ECE1: variants seen among roughly 807,000 people sequenced by gnomAD.
ECE1 encodes the protein endothelin converting enzyme 1.
In ECE1, 35 loss-of-function variants were observed where a neutral mutation model predicts 98.6. That is an observed-to-expected ratio of 0.35 (90% CI 0.27 to 0.47). The LOEUF (loss-of-function observed/expected upper bound fraction) is 0.47, where lower values mean the gene tolerates loss of function less well. ECE1 is among the 20% of genes least tolerant of loss of function. The pLI, the probability that ECE1 is intolerant of heterozygous loss-of-function variation, is 1.00. For missense variants in ECE1, 814 were observed against 1,025.3 expected (o/e 0.79, Z 2.81); for synonymous variants, 394 against 407.1 (o/e 0.97, Z 0.39).
At position 21,260,163 on chromosome 1, in the gene ECE1, G is replaced by T; in HGVS notation, c.615+108C>A. The T allele has an allele frequency of 6.7e-7, 1 of 1,499,292 alleles. No homozygotes were observed. The highest frequency in any genetic ancestry group is 9.3e-7 in the Non-Finnish European group (1 of 1,077,816). The allele number at this position is 1,499,292 out of a possible 1,614,324, so 92.9% of individuals were successfully genotyped here. On this transcript the variant is annotated intron_variant, in intron 5 of 18. Transcript: ENST00000374893. The surrounding 1 kb of genome is among the most constrained non-coding windows in gnomAD (Gnocchi z 4.3). ...TTCTGTCTTTCTCTTGGTGCTACCG[G>T]CTGGACGTATGAGGTGGGCCAGTGG...
chr1:21,267,280 T>C (rs212541), intron 4 of ECE1: 78,037 of 152,286 alleles, frequency 0.51, 21,704 homozygotes, highest in East Asian at 0.91. Flanking sequence ...TTTCCCACTG[T>C]TGATACAGAC....
intron 1 of ECE1, among the ~76,000 whole-genome samples, chr1:21,341,352 A>C (rs1376208450): frequency 6.6e-6 from 1 of 152,212 alleles, no homozygotes; most frequent in Non-Finnish European, 1.5e-5. Context: ...AAGCCCTTTG[A>C]CTATGGCAGG....
In ECE1 at chr1:21,225,092, C is replaced by T. The variant is rs950961860; in HGVS notation, c.2040+158G>A. Among the ~76,000 whole-genome samples, 4 of 152,214 alleles carry T rather than the reference C, an allele frequency of 2.6e-5. No homozygotes were observed. The highest frequency in any genetic ancestry group is 4.8e-5 in the African/African-American group (2 of 41,456). On this transcript the variant is annotated intron_variant, in intron 17 of 18. Coordinates refer to ENST00000374893, the MANE Select transcript of ECE1 (RefSeq NM_001397.3). The surrounding 1 kb of genome is among the most constrained non-coding windows in gnomAD (Gnocchi z 5.3). The stretch of plus-strand genomic sequence containing the variant: ...GTGGGGGAGCCTCCACGGTCGGCAT[C>T]GCGATTGGTCCTCGCCACCCCCAAT...
intron 1 of ECE1, among the ~76,000 whole-genome samples, chr1:21,311,205 G>C (rs1349756567): frequency 6.6e-6 from 1 of 152,160 alleles, no homozygotes; most frequent in Admixed American, 6.5e-5. Context: ...GGCTGGGTCT[G>C]GCTGGCTGCC....
At position 21,298,686 on chromosome 1, in the gene ECE1, G is replaced by A. The variant is rs773814788; in HGVS notation, c.4-8530C>T. 8.0e-5 allele frequency: 36 copies of A among 451,776 alleles called. 1 individual carries two copies. The highest frequency in any genetic ancestry group is 1.2e-4 in the Admixed American group (5 of 42,460). 28.0% of individuals were successfully genotyped at this position (451,776 alleles called of 1,614,324 possible). A position where few individuals can be genotyped will look rare whatever the true frequency, so the allele number is the denominator to read the frequency against. On this transcript the variant is annotated intron_variant, in intron 1 of 18. Coordinates refer to the ECE1 transcript ENST00000415912. ...CTTGCAAGTGTGAAACAACTGGAGT[G>A]CAGCGAGCATCAGTAACTCACCCTA... is the stretch of plus-strand genomic sequence containing the variant.
intron 5 of ECE1, among the ~76,000 whole-genome samples, chr1:21,259,690 C>T (rs756762400): frequency 5.3e-5 from 8 of 152,158 alleles, no homozygotes; most frequent in South Asian, 2.1e-4. Flanking sequence ...CCAGGGAACA[C>T]GAGGCAGGCA....
Position 21,327,607 on chromosome 1 carries a change from G to T in ECE1, c.3+17769C>A, listed in dbSNP as rs562277574. 4.4e-4 allele frequency among the ~76,000 whole-genome samples: 67 copies of T among 152,278 alleles called. No individual in the cohort carries two copies. The South Asian group carries it at 0.011, about 24-fold the overall frequency. ...CTTTTCTTACTTTGAGGGCACAAATGGAGTCTTTTGGTATAGAGGAAAATA... is the reference window on the plus strand; with the variant it reads ...CTTTTCTTACTTTGAGGGCACAAATTGAGTCTTTTGGTATAGAGGAAAATA... On this transcript the variant is annotated intron_variant, in intron 1 of 18. Transcript: ENST00000415912. The surrounding 1 kb of genome is among the most constrained non-coding windows in gnomAD (Gnocchi z 4.6).
intron 3 of ECE1, among the ~76,000 whole-genome samples, chr1:21,273,346 C>CGTGTGTGTGTGTGT (rs60168069): frequency 1.5e-5 from 2 of 133,158 alleles, no homozygotes; most frequent in Admixed American, 7.3e-5. Flanking sequence ...TGCGTGTGTG[C>CGTGTGTGTGTGTGT]GTGTGTGTGT....
rs564451188 is a variant in ECE1 at position 21,219,751 on chromosome 1, G to A, written c.*204C>T. ...CTGAAGGTGGCGCACACGTGTGCCT[G>A]GGATGTCCGGCTCTTCACAGGGGAT... is the stretch of plus-strand genomic sequence containing the variant. On this transcript the variant is annotated 3_prime_UTR_variant, in exon 19 of 19. Coordinates refer to ENST00000374893, the MANE Select transcript of ECE1 (RefSeq NM_001397.3). This position sits in a 1 kb window ranked among gnomAD's most constrained non-coding sequence, Gnocchi z 4.5. 1.5e-6 allele frequency: 1 copy of A among 654,140 alleles called. No individual in the cohort carries two copies. The highest frequency in any genetic ancestry group is 2.8e-5 in the East Asian group (1 of 35,490). The allele number at this position is 654,140 out of a possible 1,614,324, so 40.5% of individuals were successfully genotyped here.
Position 21,341,201 on chromosome 1 carries a change from C to T in ECE1, c.3+4175G>A, listed in dbSNP as rs989335775. 2.6e-5 allele frequency among the ~76,000 whole-genome samples: 4 copies of T among 152,218 alleles called. 1 individual carries two copies. The highest frequency in any genetic ancestry group is 9.7e-5 in the African/African-American group (4 of 41,444). The stretch of plus-strand genomic sequence containing the variant: ...CAGTAATTGCGCTTGTAATTTCCTG[C>T]TCTGTATCTGTCTGCCTGCCTGTCC... On this transcript the variant is annotated intron_variant, in intron 1 of 18. Coordinates refer to the ECE1 transcript ENST00000415912.
intron 3 of ECE1, among the ~76,000 whole-genome samples, chr1:21,273,318 C>T (rs1420497077): frequency 1.3e-5 from 2 of 149,340 alleles, no homozygotes; most frequent in Non-Finnish European, 3.0e-5. Flanking sequence ...TGTGCACCTG[C>T]GTGAAAGTGT....
At chr1:21,263,511 C>T (rs2103302326) in intron 4 of ECE1, among the ~76,000 whole-genome samples, 1 of 152,226 alleles carries the variant, frequency 6.6e-6, no homozygotes, top group Non-Finnish European at 1.5e-5. Context: ...CGTGTACCAC[C>T]ACGCCTGGCT....
intron 8 of ECE1, among the ~76,000 whole-genome samples, chr1:21,250,946 G>C (rs191366053): frequency 5.9e-5 from 9 of 151,768 alleles, no homozygotes; most frequent in Non-Finnish European, 8.8e-5. Flanking sequence ...GGCAGAGCTT[G>C]CAGTGAGCGG....
chr1:21,314,280 C>T (rs933171487), intron 1 of ECE1, among the ~76,000 whole-genome samples: 19 of 152,260 alleles, frequency 1.2e-4, no homozygotes, highest in South Asian at 4.1e-4. Flanking sequence ...GGGAAGGGGG[C>T]GCTGGCTAGG....
In ECE1 at chr1:21,290,044, C is replaced by G; in HGVS notation, c.138+26G>C. The G allele has an allele frequency of 7.1e-7, 1 of 1,415,900 alleles. No homozygotes were observed. The highest frequency in any genetic ancestry group is 9.3e-7 in the Non-Finnish European group (1 of 1,073,772). 87.7% of individuals were successfully genotyped at this position (1,415,900 alleles called of 1,614,324 possible). A position where few individuals can be genotyped will look rare whatever the true frequency, so the allele number is the denominator to read the frequency against. ...ATGCCCGGGCCCGGGGCGCCTGGAC[C>G]TCGGGAGGGAGCGGAGGGCGCCTAC... On this transcript the variant is annotated intron_variant, in intron 2 of 18. Transcript: ENST00000374893. The surrounding 1 kb of genome is among the most constrained non-coding windows in gnomAD (Gnocchi z 7.3).
chr1:21,279,683 G>A, intron 2 of ECE1: 1 of 1,397,642 alleles, frequency 7.2e-7, no homozygotes, highest in South Asian at 1.6e-5. Context: ...CAGGCATCCA[G>A]TGAGTACCCA....
At chr1:21,338,898 G>T (rs936226144) in intron 1 of ECE1, among the ~76,000 whole-genome samples, 1 of 151,178 alleles carries the variant, frequency 6.6e-6, no homozygotes, top group Non-Finnish European at 1.5e-5. Flanking sequence ...CCTGGCTGCT[G>T]CCCCAGGCCC....
At chr1:21,231,521 T>C (rs2098181721) in intron 14 of ECE1, among the ~76,000 whole-genome samples, 2 of 152,126 alleles carry the variant, frequency 1.3e-5, no homozygotes, top group South Asian at 4.1e-4. Context: ...TTTGTATATT[T>C]AGTAGAGACG....
chr1:21,252,360 C>T (rs1398621204), intron 8 of ECE1, among the ~76,000 whole-genome samples: 1 of 152,242 alleles, frequency 6.6e-6, no homozygotes, highest in Non-Finnish European at 1.5e-5. Flanking sequence ...CTGACTAGGA[C>T]ATTCCACTTG....
Sources: allele counts gnomAD v4.1 joint callset (sites outside exome capture counted in the v4.1 genomes callset), GRCh38; gene constraint gnomAD v4.1.1; non-coding constraint Gnocchi (gnomAD v3.1); transcripts MANE v1.5; gene names NCBI Gene and HGNC (gene_info 2026-07-23, HGNC 2026-07-21).